The following CFAP47 variants were observed in gnomAD, a reference collection of about 807,000 sequenced individuals.
CFAP47 encodes cilia and flagella associated protein 47, also known as cilia- and flagella-associated protein 47.
A neutral mutation model predicts 148.1 loss-of-function variants in CFAP47; 29 were observed. The ratio of observed to expected loss-of-function variants is 0.20; its 90% confidence interval spans 0.15 to 0.27. CFAP47 has a LOEUF of 0.27. Ranked by LOEUF, CFAP47 falls within the 10% of genes least tolerant of loss-of-function variation. CFAP47 has a pLI of 1.00. For synonymous variants in CFAP47, 664 were observed against 577.3 expected (o/e 1.15, Z -2.15); for missense variants, 1,872 against 1,697.5 (o/e 1.10, Z -1.81).
intron 63 of CFAP47, 55 bp from the exon 64 acceptor site, chrX:36,384,742 A>G (rs782253976): frequency 2.6e-5 from 23 of 897,093 alleles, no homozygotes; most frequent in Admixed American, 2.2e-4. Context: ...TTTTCCCTAC[A>G]TGTTTTGAAG....
At chrX:35,951,423 A>G in intron 5 of CFAP47, 64 bp downstream of exon 5, 1 of 714,749 alleles carries the variant, frequency 1.4e-6, no homozygotes, top group Middle Eastern at 3.1e-4. Context: ...GTTAAATCTA[A>G]TAATAACCAA....
At chrX:36,006,689 T>C (rs775779603) in intron 21 of CFAP47, among the ~76,000 whole-genome samples, 3 of 111,908 alleles carry the variant, frequency 2.7e-5, no homozygotes, top group Non-Finnish European at 5.6e-5. Flanking sequence ...CAACCTGAAG[T>C]GCTAGTAGTC....
At chrX:36,372,337 C>T (rs1206396135) in intron 62 of CFAP47, among the ~76,000 whole-genome samples, 7 of 111,056 alleles carry the variant, frequency 6.3e-5, no homozygotes, top group South Asian at 3.7e-4. Flanking sequence ...TAAATTTCTG[C>T]GAGTGTTGTG....
At chrX:36,048,715 T>C (rs2146735148) in intron 26 of CFAP47, among the ~76,000 whole-genome samples, 1 of 112,185 alleles carries the variant, frequency 8.9e-6, no homozygotes, top group African/African-American at 3.2e-5. Flanking sequence ...TTTTATTCAA[T>C]TGGTGCAAAA....
intron 19 of CFAP47, among the ~76,000 whole-genome samples, chrX:35,998,027 C>T (rs189653875): frequency 1.8e-5 from 2 of 110,753 alleles, no homozygotes; most frequent in Non-Finnish European, 3.8e-5. Context: ...GAGGTTCTCT[C>T]GGAATGGAGT....
chrX:36,337,018 C>A (rs1423447211), intron 57 of CFAP47, among the ~76,000 whole-genome samples: 1 of 111,818 alleles, frequency 8.9e-6, no homozygotes, highest in Non-Finnish European at 1.9e-5. Context: ...AATTTTCCAC[C>A]CAACTTAGCT....
intron 57 of CFAP47, among the ~76,000 whole-genome samples, chrX:36,321,053 G>A (rs1941474814): frequency 9.0e-6 from 1 of 111,721 alleles, no homozygotes; most frequent in Non-Finnish European, 1.9e-5. Flanking sequence ...AAGGAAATCA[G>A]TACATTGAAG....
chrX:36,008,153 A>G (rs183364817), intron 21 of CFAP47, among the ~76,000 whole-genome samples: 1 of 111,122 alleles, frequency 9.0e-6, no homozygotes, highest in Admixed American at 9.6e-5. Flanking sequence ...CATGACTCAG[A>G]TTCCTCTTTA....
intron 22 of CFAP47, among the ~76,000 whole-genome samples, chrX:36,024,489 T>A (rs994482253): frequency 9.0e-6 from 1 of 111,610 alleles, no homozygotes; most frequent in African/African-American, 3.3e-5. Context: ...ACACTGGCTC[T>A]GGGCCCAGCT....
chrX:36,099,398 G>A (rs1377536477), intron 31 of CFAP47, among the ~76,000 whole-genome samples: 2 of 109,638 alleles, frequency 1.8e-5, no homozygotes, highest in South Asian at 3.9e-4. Flanking sequence ...TGTGACATGA[G>A]TAGAGAACCA....
chrX:36,117,241 T>C (rs1409556137), intron 33 of CFAP47, among the ~76,000 whole-genome samples: 3 of 111,697 alleles, frequency 2.7e-5, no homozygotes, highest in African/African-American at 9.8e-5. Flanking sequence ...CTTTGATATA[T>C]TGGTTTTCCT....
At chrX:36,081,234 C>G (rs969724042) in intron 29 of CFAP47, among the ~76,000 whole-genome samples, 1 of 111,376 alleles carries the variant, frequency 9.0e-6, no homozygotes, top group Non-Finnish European at 1.9e-5. Context: ...TGCACAAGAA[C>G]TAGAAAATTT....
At chrX:35,926,580 T>C (rs895455038) in intron 2 of CFAP47, among the ~76,000 whole-genome samples, 11 of 112,154 alleles carry the variant, frequency 9.8e-5, no homozygotes, top group Non-Finnish European at 2.1e-4. Context: ...TTACAAATTA[T>C]TTAACCAGGA....
At chrX:36,355,854 C>T (rs1327728488) in intron 60 of CFAP47, among the ~76,000 whole-genome samples, 1 of 111,523 alleles carries the variant, frequency 9.0e-6, no homozygotes, top group African/African-American at 3.3e-5. Flanking sequence ...ATTAAGAGGG[C>T]AGAACTCATG....
intron 51 of CFAP47, among the ~76,000 whole-genome samples, chrX:36,297,617 A>C (rs1181238725): frequency 9.0e-6 from 1 of 111,670 alleles, no homozygotes; most frequent in Non-Finnish European, 1.9e-5. Context: ...ATGGGTCAGT[A>C]TGAGGATCAG....
At chrX:36,178,216 C>T (rs1456407194) in intron 39 of CFAP47, among the ~76,000 whole-genome samples, 2 of 111,074 alleles carry the variant, frequency 1.8e-5, no homozygotes, top group Non-Finnish European at 3.8e-5. Flanking sequence ...GACTGCAATA[C>T]TACCTATTGG....
intron 33 of CFAP47, among the ~76,000 whole-genome samples, chrX:36,116,593 A>G (rs1366977809): frequency 8.9e-6 from 1 of 112,011 alleles, no homozygotes; most frequent in Non-Finnish European, 1.9e-5. Flanking sequence ...GTGGAATAGC[A>G]TTAAATTAGC....
rs902519051 is a variant in CFAP47, at chrX:36,156,576, C to T, written c.5787-2850C>T. Among the ~76,000 whole-genome samples, 5 of 109,649 alleles carry T rather than the reference C, an allele frequency of 4.6e-5. No individual in the cohort carries two copies. The Admixed American group carries it at 4.9e-4, about 11-fold the overall frequency. On this transcript the variant is annotated intron_variant, in intron 37 of 63. Transcript: ENST00000378653. ...GTTGTATATTTATTCTCCATCTATTCCAAAGGCTAAATTGAAGTAGCTTAC... is the reference window on the plus strand; with the variant it reads ...GTTGTATATTTATTCTCCATCTATTTCAAAGGCTAAATTGAAGTAGCTTAC...
intron 40 of CFAP47, among the ~76,000 whole-genome samples, chrX:36,183,027 T>C (rs1939768082): frequency 8.9e-6 from 1 of 112,671 alleles, no homozygotes; most frequent in Non-Finnish European, 1.9e-5. Flanking sequence ...AGGAGCCTCC[T>C]GATCAGGCAT....
Sources: allele counts gnomAD v4.1 joint callset (sites outside exome capture counted in the v4.1 genomes callset), GRCh38; gene constraint gnomAD v4.1.1; transcripts MANE v1.5; gene names NCBI Gene and HGNC (gene_info 2026-07-23, HGNC 2026-07-21).